The following JMJD1C variants were observed in gnomAD, a reference collection of about 807,000 sequenced individuals.
JMJD1C encodes the protein jumonji domain containing 1C, also known as jumonji domain-containing protein 1C.
Under a neutral mutation model 245.3 loss-of-function variants are expected in JMJD1C, and 31 were observed. The ratio of observed to expected loss-of-function variants is 0.13; its 90% CI spans 0.09 to 0.17. The LOEUF is 0.17. Among genes scored for constraint, JMJD1C ranks in the 10% least tolerant of loss-of-function variants. The pLI, the probability that JMJD1C is intolerant of heterozygous loss-of-function variation, is 1.00. For missense variants in JMJD1C, 2,691 were observed against 3,000.2 expected, an observed-to-expected ratio of 0.90 and a Z score of 2.41; for synonymous variants, 1,057 against 1,017.4, an observed-to-expected ratio of 1.04 and a Z score of -0.74.
chr10:63,385,092 G>A (rs919259766), intron 1 of JMJD1C, among the ~76,000 whole-genome samples: 1 of 152,104 alleles, frequency 6.6e-6, no homozygotes, highest in Non-Finnish European at 1.5e-5. Flanking sequence ...GGGAGGTCCG[G>A]AGGTTCAAGA....
At chr10:63,267,511 G>C (rs1257654597) in intron 2 of JMJD1C, among the ~76,000 whole-genome samples, 1 of 152,060 alleles carries the variant, frequency 6.6e-6, no homozygotes, top group Non-Finnish European at 1.5e-5. Context: ...AAAGAAACTA[G>C]AACTCATGCA....
chr10:63,176,578 G>T, intron 23 of JMJD1C, 105 bp from the exon 24 acceptor site: 1 of 811,008 alleles, frequency 1.2e-6, no homozygotes, highest in South Asian at 1.9e-5. Context: ...TTTCTTCTCA[G>T]AATCAATGGA....
At chr10:63,307,717 C>T (rs921256705) in intron 2 of JMJD1C, among the ~76,000 whole-genome samples, 1 of 152,084 alleles carries the variant, frequency 6.6e-6, no homozygotes, top group Non-Finnish European at 1.5e-5. Flanking sequence ...AAAATAGATC[C>T]TTCAATCCCC....
intron 1 of JMJD1C, among the ~76,000 whole-genome samples, chr10:63,483,024 CTA>C (rs949274079): frequency 1.3e-5 from 2 of 152,108 alleles, no homozygotes; most frequent in South Asian, 2.1e-4. Context: ...CCAAATAACT[CTA>C]GTCTAAATAA....
intron 1 of JMJD1C, among the ~76,000 whole-genome samples, chr10:63,384,170 G>C (rs945612727): frequency 3.3e-5 from 5 of 152,094 alleles, no homozygotes; most frequent in Non-Finnish European, 7.3e-5. Flanking sequence ...ACATCTTCAA[G>C]CTCTAGTTTT....
At chr10:63,363,785 C>T (rs1945609350) in intron 2 of JMJD1C, among the ~76,000 whole-genome samples, 1 of 151,806 alleles carries the variant, frequency 6.6e-6, no homozygotes, top group African/African-American at 2.4e-5. Context: ...CTCAAGTGAT[C>T]CTCCCCCTCT....
At chr10:63,174,518 G>T (rs1252167954) in intron 24 of JMJD1C, among the ~76,000 whole-genome samples, 2 of 151,714 alleles carry the variant, frequency 1.3e-5, no homozygotes, top group Non-Finnish European at 2.9e-5. Context: ...GGAACTTTGG[G>T]TGGGAAGAGG....
At chr10:63,283,524 A>G (rs1484580263) in intron 2 of JMJD1C, among the ~76,000 whole-genome samples, 1 of 151,546 alleles carries the variant, frequency 6.6e-6, no homozygotes, top group African/African-American at 2.4e-5. Flanking sequence ...CCGCCACCAC[A>G]CCCAGCTAAT....
intron 1 of JMJD1C, among the ~76,000 whole-genome samples, chr10:63,386,429 C>G (rs1408848629): frequency 6.6e-6 from 1 of 152,220 alleles, no homozygotes; most frequent in African/African-American, 2.4e-5. Flanking sequence ...GGGGATCATG[C>G]CACCCCTGTT....
At chr10:63,442,193 G>GTA (rs1394175954) in intron 1 of JMJD1C, among the ~76,000 whole-genome samples, 1 of 152,176 alleles carries the variant, frequency 6.6e-6, no homozygotes, top group African/African-American at 2.4e-5. Context: ...AGGGTAAAGA[G>GTA]TATAGTGAAC....
intron 1 of JMJD1C, among the ~76,000 whole-genome samples, chr10:63,393,384 A>G (rs1948231931): frequency 6.6e-6 from 1 of 152,222 alleles, no homozygotes; most frequent in South Asian, 2.1e-4. Flanking sequence ...AAGACAAAAA[A>G]TAACAGATGC....
At chr10:63,358,575 A>G (rs1945063164) in intron 2 of JMJD1C, among the ~76,000 whole-genome samples, 2 of 152,116 alleles carry the variant, frequency 1.3e-5, no homozygotes, top group Admixed American at 1.3e-4. Flanking sequence ...AAAACGGAAA[A>G]AAGAAAAAAT....
At chr10:63,482,971 A>G (rs1024573534) in intron 1 of JMJD1C, among the ~76,000 whole-genome samples, 1 of 152,222 alleles carries the variant, frequency 6.6e-6, no homozygotes, top group Non-Finnish European at 1.5e-5. Flanking sequence ...TGTAATTACT[A>G]TGTATGGTTA....
intron 1 of JMJD1C, among the ~76,000 whole-genome samples, chr10:63,384,168 A>C (rs1029446011): frequency 2.0e-5 from 3 of 152,138 alleles, no homozygotes; most frequent in Admixed American, 6.5e-5. Flanking sequence ...TCACATCTTC[A>C]AGCTCTAGTT....
chr10:63,179,805 CTT>C (rs1470983068), intron 22 of JMJD1C, among the ~76,000 whole-genome samples: 2 of 151,064 alleles, frequency 1.3e-5, no homozygotes, highest in South Asian at 2.1e-4. Flanking sequence ...AAAATCATGT[CTT>C]TTGCAGCAAC....
intron 2 of JMJD1C, among the ~76,000 whole-genome samples, chr10:63,273,949 G>A (rs1430821247): frequency 2.0e-5 from 3 of 152,028 alleles, no homozygotes; most frequent in East Asian, 3.9e-4. Flanking sequence ...CATTTATCTT[G>A]GGCCATGAAA....
intron 3 of JMJD1C, among the ~76,000 whole-genome samples, chr10:63,233,974 T>C (rs1227569214): frequency 1.3e-5 from 2 of 152,108 alleles, no homozygotes; most frequent in Non-Finnish European, 2.9e-5. Context: ...TTCACAGTAA[T>C]ACTAATTTCC....
chr10:63,440,388 A>AGAGC (rs1554938032), intron 1 of JMJD1C, among the ~76,000 whole-genome samples: 15 of 149,712 alleles, frequency 1.0e-4, no homozygotes, highest in South Asian at 2.1e-4. Flanking sequence ...AGAGAGAGAG[A>AGAGC]GCGCAAGCGT....
intron 2 of JMJD1C, among the ~76,000 whole-genome samples, chr10:63,330,581 A>G (rs1046151871): frequency 6.6e-6 from 1 of 152,162 alleles, no homozygotes; most frequent in Non-Finnish European, 1.5e-5. Flanking sequence ...CTTCCTCTTA[A>G]TGTTCACATA....
Sources: allele counts gnomAD v4.1 joint callset (sites outside exome capture counted in the v4.1 genomes callset), GRCh38; gene constraint gnomAD v4.1.1; transcripts MANE v1.5; gene names NCBI Gene and HGNC (gene_info 2026-07-23, HGNC 2026-07-21).